Variants in UNC45B observed in about 807,000 individuals in gnomAD.
The protein encoded by UNC45B is protein unc-45 homolog B.
Under a neutral mutation model 98.7 loss-of-function variants are expected in UNC45B, and 78 were observed. The ratio of observed to expected loss-of-function variants is 0.79; its 90% CI spans 0.66 to 0.95. The LOEUF is 0.95. Among genes scored for constraint, UNC45B ranks in the 40% least tolerant of loss-of-function variants. The probability of loss-of-function intolerance (pLI) is 0.00; values close to 1 mark genes in which losing one functional copy is unlikely to be tolerated. For synonymous variants in UNC45B, 462 were observed against 480.4 expected (o/e 0.96, Z 0.50); for missense variants, 1,225 against 1,184.9 (o/e 1.03, Z -0.50).
At chr17:35,150,923 CTTT>C (rs2142528203) in intron 4 of UNC45B, among the ~76,000 whole-genome samples, 1 of 151,934 alleles carries the variant, frequency 6.6e-6, no homozygotes, top group African/African-American at 2.4e-5. Flanking sequence ...AGCATGATTG[CTTT>C]TTTTGAGACA....
chr17:35,152,654 T>A (rs2092028701), intron 4 of UNC45B, among the ~76,000 whole-genome samples: 1 of 152,246 alleles, frequency 6.6e-6, no homozygotes, highest in African/African-American at 2.4e-5. Flanking sequence ...CTAAATGGGA[T>A]AACAAATGTA....
chr17:35,174,495 C>G, intron 14 of UNC45B, 126 bp downstream of exon 14: 2 of 1,370,856 alleles, frequency 1.5e-6, no homozygotes, highest in Non-Finnish European at 2.0e-6. Context: ...TTGGGAAAGC[C>G]TGGAGAAAGG....
chr17:35,174,841 AAGAGAGAAAG>A (rs1440853186), intron 14 of UNC45B, among the ~76,000 whole-genome samples: 1 of 147,222 alleles, frequency 6.8e-6, no homozygotes, highest in Non-Finnish European at 1.5e-5. Context: ...GAAATAAAGA[AAGAGAGAAAG>A]AGAGAGAGAG....
rs1168162745 is a variant in UNC45B at position 35,171,458 on chromosome 17, C to T, written c.1826C>T (p.Pro609Leu). ...AAGCAGCATGTGCCCGAGGAACACC[C>T]CAAGGTAGGGTCAGGCGCGACCCGG... ...FSKQHVPEEH[P>L]KDKKDFIDMR... Residue 609 changes from proline to leucine, a missense_variant, in exon 13 of 20, where the codon CCC (proline) becomes CTC (leucine). Pro to Leu is a moderately conservative substitution (Grantham distance 98, BLOSUM62 -3). Coordinates refer to ENST00000394570, the MANE Select transcript of UNC45B (RefSeq NM_001267052.2). 37 of 1,613,932 alleles carry T rather than the reference C, an allele frequency of 2.3e-5. No individual in the cohort carries two copies. The Admixed American group carries it at 5.5e-4, about 24-fold the overall frequency.
At chr17:35,168,537 G>A (rs2092158600) in intron 10 of UNC45B, among the ~76,000 whole-genome samples, 176 bp downstream of exon 10, 1 of 152,148 alleles carries the variant, frequency 6.6e-6, no homozygotes, top group African/African-American at 2.4e-5. Context: ...TTGTGAGGAT[G>A]TAGATTCAGA....
intron 14 of UNC45B, among the ~76,000 whole-genome samples, chr17:35,174,998 G>A (rs1468614111): frequency 1.4e-5 from 2 of 147,592 alleles, no homozygotes; most frequent in Non-Finnish European, 3.0e-5. Flanking sequence ...GGGAAGGAAG[G>A]AGGGAAGAAA....
chr17:35,185,880 C>T (rs561153909), intron 19 of UNC45B, among the ~76,000 whole-genome samples: 3 of 152,140 alleles, frequency 2.0e-5, no homozygotes, highest in African/African-American at 7.2e-5. Flanking sequence ...TAACAGAATA[C>T]CTCAGACTAG....
At chr17:35,157,147 C>G (rs2092069007) in intron 7 of UNC45B, among the ~76,000 whole-genome samples, 1 of 152,086 alleles carries the variant, frequency 6.6e-6, no homozygotes, top group South Asian at 2.1e-4. Flanking sequence ...TTGGAGATTC[C>G]AGTTATTTCC....
intron 8 of UNC45B, among the ~76,000 whole-genome samples, chr17:35,161,559 C>T (rs1004071201): frequency 6.6e-6 from 1 of 152,118 alleles, no homozygotes; most frequent in Non-Finnish European, 1.5e-5. Flanking sequence ...GCTCATCAGG[C>T]ACTTCCTGTT....
intron 19 of UNC45B, among the ~76,000 whole-genome samples, chr17:35,183,787 T>C (rs1225250568): frequency 6.6e-6 from 1 of 152,230 alleles, no homozygotes; most frequent in Non-Finnish European, 1.5e-5. Context: ...CCAAGTGTGC[T>C]AGCTCAAACC....
rs770717283 is a variant in UNC45B, at chr17:35,186,776, A to G, written c.*217A>G. ...TCTCTCTCTTGCTTCCTGTCTCCTTATATTTGTCATGTTTCAGAAATTCCC... is the reference window on the plus strand; with the variant it reads ...TCTCTCTCTTGCTTCCTGTCTCCTTGTATTTGTCATGTTTCAGAAATTCCC... On this transcript the variant is annotated 3_prime_UTR_variant, in exon 20 of 20. Coordinates refer to ENST00000394570, the MANE Select transcript of UNC45B (RefSeq NM_001267052.2). 4.1e-5 allele frequency: 19 copies of G among 458,986 alleles called. No individual in the cohort carries two copies. The highest frequency in any genetic ancestry group is 5.7e-5 in the Non-Finnish European group (15 of 264,178). 28.4% of individuals were successfully genotyped at this position (458,986 alleles called of 1,614,324 possible). A position where few individuals can be genotyped will look rare whatever the true frequency, so the allele number is the denominator to read the frequency against.
intron 7 of UNC45B, among the ~76,000 whole-genome samples, chr17:35,157,874 T>G (rs923446111): frequency 6.6e-6 from 1 of 151,486 alleles, no homozygotes; most frequent in Admixed American, 6.6e-5. Context: ...TCTATAAGAG[T>G]TTTTTTTTGT....
chr17:35,180,314 G>A (rs1460541214), intron 17 of UNC45B, among the ~76,000 whole-genome samples: 2 of 150,334 alleles, frequency 1.3e-5, no homozygotes, highest in Non-Finnish European at 3.0e-5. Context: ...ATAATACAGA[G>A]GCTCTCCAGT....
chr17:35,154,792 A>T (rs773722345), intron 6 of UNC45B, 51 bp downstream of exon 6: 2 of 1,508,470 alleles, frequency 1.3e-6, no homozygotes, highest in East Asian at 4.8e-5. Flanking sequence ...TGGTCCAAGG[A>T]TCCGGAGGGT....
chr17:35,175,921 AGGTGT>A (rs1218997940), intron 14 of UNC45B, 42 bp from the exon 15 acceptor site: 1 of 1,568,498 alleles, frequency 6.4e-7, no homozygotes, highest in South Asian at 1.1e-5. Flanking sequence ...CTGCCTGGGA[AGGTGT>A]GCTGGTGTAT....
rs201858991 is a variant in UNC45B, at chr17:35,180,595, C to G, written c.2292C>G (p.Ile764Met). The G allele has an allele frequency of 1.2e-6, 2 of 1,613,990 alleles. No individual in the cohort carries two copies. The highest frequency in any genetic ancestry group is 2.2e-5 in the East Asian group (1 of 44,842). Reference sequence around the variant, plus strand: ...TTAAGGAGAGGGCCTTGCCAGACATCGAGAACTACATGTTTGAGAATCATG... The same window carrying G: ...TTAAGGAGAGGGCCTTGCCAGACATGGAGAACTACATGTTTGAGAATCATG... ...KIFKERALPD[I>M]ENYMFENHDQ... The change falls in exon 18 of 20, where the codon ATC becomes ATG. Residue 764 changes from isoleucine to methionine, a missense_variant. Transcript: ENST00000394570.
At chr17:35,181,650 G>T (rs2092274490) in intron 18 of UNC45B, among the ~76,000 whole-genome samples, 1 of 152,092 alleles carries the variant, frequency 6.6e-6, no homozygotes, top group South Asian at 2.1e-4. Flanking sequence ...CATTAGCCAG[G>T]CATGGTGGTG....
chr17:35,176,653 C>T (rs955165626), intron 15 of UNC45B, among the ~76,000 whole-genome samples: 2 of 152,154 alleles, frequency 1.3e-5, no homozygotes, highest in African/African-American at 4.8e-5. Flanking sequence ...GCAGTCCAGC[C>T]TGGGCAGCAA....
Position 35,171,300 on chromosome 17 carries a change from TCCCC to T in UNC45B, c.1690-21_1690-18del, listed in dbSNP as rs2092183967. On this transcript the variant is annotated intron_variant, in intron 12 of 19. Transcript: ENST00000394570. The stretch of plus-strand genomic sequence containing the variant: ...TAAAGTTTCCTTTCTGCTTTCCCTC[TCCCC>T]AACCCTGTGCCTTCCAGACCAGTGA... 1.9e-6 allele frequency: 3 copies of T among 1,606,610 alleles called. No individual in the cohort carries two copies. Among genetic ancestry groups the T allele is most frequent in the Non-Finnish European group, 1.7e-6 (2 of 1,176,114 alleles).
Sources: allele counts gnomAD v4.1 joint callset (sites outside exome capture counted in the v4.1 genomes callset), GRCh38; gene constraint gnomAD v4.1.1; transcripts MANE v1.5; gene names NCBI Gene and HGNC (gene_info 2026-07-23, HGNC 2026-07-21).